Variants in HAUS3 observed in about 807,000 individuals in gnomAD.
HAUS3 encodes the protein HAUS augmin-like complex subunit 3.
In HAUS3, 36 loss-of-function variants were observed where a neutral mutation model predicts 55.2. The ratio of observed to expected loss-of-function variants is 0.65; its 90% CI spans 0.50 to 0.86. The LOEUF (loss-of-function observed/expected upper bound fraction) is 0.86. Among genes scored for constraint, HAUS3 ranks in the 40% least tolerant of loss-of-function variants. The pLI, the probability that HAUS3 is intolerant of heterozygous loss-of-function variation, is 0.00. For synonymous variants in HAUS3, 234 were observed against 238.6 expected (o/e 0.98, Z 0.18); for missense variants, 752 against 671.5 (o/e 1.12, Z -1.33).
In HAUS3 at chr4:2,236,337, G is replaced by A. The variant is rs775857869; in HGVS notation, c.1469C>T (p.Ala490Val). The A allele has an allele frequency of 8.1e-6, 13 of 1,612,520 alleles. No individual in the cohort carries two copies. The highest frequency in any genetic ancestry group is 1.0e-5 in the Non-Finnish European group (12 of 1,178,760). ...GAAAGAATGTTCTTGAGCAGATACT[G>A]CCAACTGATCTTGTACTAAAGAAAT... Reference protein sequence around the residue: ...QNISLVQDQLAVSAQEHSFFL... With the variant: ...QNISLVQDQLVVSAQEHSFFL... The change falls in exon 5 of 6, where the codon GCA becomes GTA. Residue 490 changes from alanine to valine, a missense_variant. By Grantham distance (64) the Ala-to-Val change is moderately conservative. Transcript: ENST00000443786.
At position 2,241,648 on chromosome 4, in the gene HAUS3, G is replaced by A. The variant is rs968215490; in HGVS notation, c.-276C>T. The A allele has an allele frequency of 2.3e-5, 23 of 985,368 alleles. No individual in the cohort carries two copies. Among genetic ancestry groups the A allele is most frequent in the Non-Finnish European group, 2.8e-5 (23 of 829,954 alleles). 61.0% of individuals were successfully genotyped at this position (985,368 alleles called of 1,614,324 possible). A position where few individuals can be genotyped will look rare whatever the true frequency, so the allele number is the denominator to read the frequency against. On this transcript the variant is annotated 5_prime_UTR_variant, in exon 2 of 6. Coordinates refer to ENST00000443786, the MANE Select transcript of HAUS3 (RefSeq NM_001303143.2). ...CGGGCCGGCCTTCAGCCAGCGCTGA[G>A]GCAGCCCCGACGCCAGGGCCGCGCG...
chr4:2,234,947 G>A (rs772417535), intron 5 of HAUS3, among the ~76,000 whole-genome samples: 11 of 152,140 alleles, frequency 7.2e-5, no homozygotes, highest in Admixed American at 3.9e-4. Flanking sequence ...GTGCAGTGGC[G>A]CGATCTTGAC....
rs1041762785 is a variant in HAUS3 at position 2,230,712 on chromosome 4, A to T, written c.*1215T>A. On this transcript the variant is annotated 3_prime_UTR_variant, in exon 6 of 6. Transcript: ENST00000443786. Reference sequence around the variant, plus strand: ...ACCACCCAAAACATGTAGTTTTTAGATTGGCATTCCATATTACGAACAGGT... The same window carrying T: ...ACCACCCAAAACATGTAGTTTTTAGTTTGGCATTCCATATTACGAACAGGT... The T allele has an allele frequency of 6.6e-6, 1 of 152,078 alleles. No homozygotes were observed. The highest frequency in any genetic ancestry group is 2.1e-4 in the South Asian group (1 of 4,832). The allele number at this position is 152,078 out of a possible 1,614,324, so 9.4% of individuals were successfully genotyped here. A position where few individuals can be genotyped will look rare whatever the true frequency, so the allele number is the denominator to read the frequency against.
At position 2,232,062 on chromosome 4, in the gene HAUS3, A is replaced by G; in HGVS notation, c.1677T>C (p.Thr559=). 6.3e-7 allele frequency: 1 copy of G among 1,590,358 alleles called. No individual in the cohort carries two copies. Among genetic ancestry groups the G allele is most frequent in the Non-Finnish European group, 8.6e-7 (1 of 1,162,510 alleles). ...ILADVKTKRK[T]LANNKLHQME... ...TTTGATGTAATTTATTATTTGCCAA[A>G]GTTTTTCTTTTTGTCTTCACATCAG... Residue 559 remains threonine, a synonymous_variant, in exon 6 of 6, where the codon ACT becomes ACC. Transcript: ENST00000443786.
chr4:2,241,231 A>T, intron 2 of HAUS3, 138 bp from the exon 3 acceptor site: 1 of 330,928 alleles, frequency 3.0e-6, no homozygotes, highest in South Asian at 5.0e-5. Context: ...TGATGATGAT[A>T]AAGAGAAACA....
chr4:2,230,700 T>A lies in HAUS3; in HGVS notation c.*1227A>T, dbSNP rs1402096286. 6.6e-6 allele frequency: 1 copy of A among 151,906 alleles called. No homozygotes were observed. Among genetic ancestry groups the A allele is most frequent in the Non-Finnish European group, 1.5e-5 (1 of 67,988 alleles). 9.4% of individuals were successfully genotyped at this position (151,906 alleles called of 1,614,324 possible). A position where few individuals can be genotyped will look rare whatever the true frequency, so the allele number is the denominator to read the frequency against. On this transcript the variant is annotated 3_prime_UTR_variant, in exon 6 of 6. Coordinates refer to ENST00000443786, the MANE Select transcript of HAUS3 (RefSeq NM_001303143.2). ...AATTCCATAAAGACCACCCAAAACATGTAGTTTTTAGATTGGCATTCCATA... is the reference window on the plus strand; with the variant it reads ...AATTCCATAAAGACCACCCAAAACAAGTAGTTTTTAGATTGGCATTCCATA...
intron 4 of HAUS3, 142 bp downstream of exon 4, chr4:2,238,462 T>C (rs997895029): frequency 4.0e-6 from 2 of 504,312 alleles, no homozygotes; most frequent in African/African-American, 4.0e-5. Flanking sequence ...AAAAGGCATA[T>C]GAAAATGGAA....
chr4:2,234,860 A>G (rs1373254758), intron 5 of HAUS3, among the ~76,000 whole-genome samples: 2 of 152,104 alleles, frequency 1.3e-5, no homozygotes, highest in African/African-American at 4.8e-5. Flanking sequence ...ATACATAGAG[A>G]AAAAAATGAT....
chr4:2,231,691 C>A lies in HAUS3; in HGVS notation c.*236G>T. The A allele has an allele frequency of 6.6e-6, 2 of 304,582 alleles. No individual in the cohort carries two copies. The highest frequency in any genetic ancestry group is 1.2e-5 in the Non-Finnish European group (2 of 163,740). The allele number at this position is 304,582 out of a possible 1,614,324, so 18.9% of individuals were successfully genotyped here. On this transcript the variant is annotated 3_prime_UTR_variant, in exon 6 of 6. Coordinates refer to ENST00000443786, the MANE Select transcript of HAUS3 (RefSeq NM_001303143.2). ...TTGCATTATGTAATAATGCTTTTTC[C>A]CTGTAAGTAAAAAATTACCAGGACT...
Position 2,238,704 on chromosome 4 carries a change from T to G in HAUS3, c.1249A>C (p.Met417Leu), listed in dbSNP as rs1489514800. 1.2e-6 allele frequency: 2 copies of G among 1,613,308 alleles called. No homozygotes were observed. Among genetic ancestry groups the G allele is most frequent in the African/African-American group, 2.7e-5 (2 of 75,048 alleles). Residue 417 changes from methionine to leucine, a missense_variant, in exon 4 of 6, where the codon ATG (methionine) becomes CTG (leucine). Transcript: ENST00000443786. The stretch of plus-strand genomic sequence containing the variant: ...ATTTCTAATTGCTTGTAGAGCATCA[T>G]GTTACTTTGACTAAGTTCTTGAACC... ...NLVQELSQSNMMLYKQLEMLT... is the reference protein window; with the variant it reads ...NLVQELSQSNLMLYKQLEMLT...
rs58532236 is a variant in HAUS3 at position 2,241,145 on chromosome 4, T to C, written c.-147-52A>G. ...ACCACAAATATGACGACAGTGTTTT[T>C]AAAAAGAAGACACAGACAAATATCA... On this transcript the variant is annotated intron_variant, in intron 2 of 5. Coordinates refer to ENST00000443786, the MANE Select transcript of HAUS3 (RefSeq NM_001303143.2). 30,748 of 496,330 alleles carry C rather than the reference T, an allele frequency of 0.062. 1,393 individuals are homozygous for C. The highest frequency in any genetic ancestry group is 0.17 in the African/African-American group (8,250 of 49,390). 30.7% of individuals were successfully genotyped at this position (496,330 alleles called of 1,614,324 possible).
chr4:2,229,039 C>A lies in HAUS3; in HGVS notation c.*2888G>T. 6.7e-7 allele frequency: 1 copy of A among 1,488,894 alleles called. No individual in the cohort carries two copies. The highest frequency in any genetic ancestry group is 1.3e-5 in the South Asian group (1 of 79,482). 92.2% of individuals were successfully genotyped at this position (1,488,894 alleles called of 1,614,324 possible). A position where few individuals can be genotyped will look rare whatever the true frequency, so the allele number is the denominator to read the frequency against. On this transcript the variant is annotated 3_prime_UTR_variant, in exon 6 of 6. Coordinates refer to ENST00000443786, the MANE Select transcript of HAUS3 (RefSeq NM_001303143.2). ...ATGCATTCCATTTTCAATTCTTAGT[C>A]TTTAGAACAATTAACATTCAAAGTA...
intron 5 of HAUS3, among the ~76,000 whole-genome samples, chr4:2,233,910 A>G (rs984249029): frequency 2.1e-5 from 3 of 144,212 alleles, no homozygotes; most frequent in Non-Finnish European, 4.4e-5. Context: ...ATCTGGCCAT[A>G]TCAAAGGCAA....
At chr4:2,233,633 T>C (rs1734658301) in intron 5 of HAUS3, among the ~76,000 whole-genome samples, 1 of 152,218 alleles carries the variant, frequency 6.6e-6, no homozygotes, top group Admixed American at 6.5e-5. Context: ...GCTTTAGAAC[T>C]ACCCTAACCA....
At position 2,240,865 on chromosome 4, in the gene HAUS3, C is replaced by A; in HGVS notation, c.82G>T (p.Asp28Tyr). The change falls in exon 3 of 6, where the codon GAC becomes TAC. Residue 28 changes from aspartate to tyrosine, a missense_variant. Coordinates refer to ENST00000443786, the MANE Select transcript of HAUS3 (RefSeq NM_001303143.2). ...TCTTCAACGCCCTCAAACAACCAGT[C>A]AAAGTCTTCTCCATTAAGATTATCA... ...KADNLNGEDF[D>Y]WLFEGVEDES... 2 of 1,612,126 alleles carry A rather than the reference C, an allele frequency of 1.2e-6. No homozygotes were observed. The highest frequency in any genetic ancestry group is 1.1e-5 in the South Asian group (1 of 90,896).
intron 3 of HAUS3, among the ~76,000 whole-genome samples, chr4:2,239,271 G>A (rs886761495): frequency 4.6e-5 from 7 of 151,948 alleles, no homozygotes; most frequent in South Asian, 2.1e-4. Context: ...ATATAGTAAC[G>A]GCTACCAAAA....
At position 2,238,879 on chromosome 4, in the gene HAUS3, C is replaced by T; in HGVS notation, c.1074G>A (p.Leu358=). The T allele has an allele frequency of 6.2e-7, 1 of 1,613,112 alleles. No homozygotes were observed. The highest frequency in any genetic ancestry group is 2.2e-5 in the East Asian group (1 of 44,796). ...TATAATAATCTTGTTTAGCAATCTG[C>T]AGATCAAAATCTCCCTTTACCACTG... The part of the protein sequence containing the change: ...NMPVVKGDFD[L]QIAKQDYYTA... The change falls in exon 4 of 6, where the codon CTG becomes CTA. Residue 358 remains leucine (L), a synonymous_variant. Transcript: ENST00000443786.
rs1177030983 is a variant in HAUS3, at chr4:2,230,577, CAAT to C, written c.*1347_*1349del. 2.0e-5 allele frequency: 3 copies of C among 151,522 alleles called. No homozygotes were observed. In the East Asian group the frequency reaches 5.8e-4, roughly 29 times the overall value. The allele number at this position is 151,522 out of a possible 1,614,324, so 9.4% of individuals were successfully genotyped here. A position where few individuals can be genotyped will look rare whatever the true frequency, so the allele number is the denominator to read the frequency against. ...CATAAAATTTTAAATAACATAAACA[CAAT>C]AATTGGCAAAATATTTTTGTTCAAT... On this transcript the variant is annotated 3_prime_UTR_variant, in exon 6 of 6. Coordinates refer to ENST00000443786, the MANE Select transcript of HAUS3 (RefSeq NM_001303143.2).
At chr4:2,234,834 A>T (rs1253583007) in intron 5 of HAUS3, among the ~76,000 whole-genome samples, 1 of 152,220 alleles carries the variant, frequency 6.6e-6, no homozygotes, top group East Asian at 1.9e-4. Context: ...GATATAACTT[A>T]TAAAATAGAC....
Sources: allele counts gnomAD v4.1 joint callset (sites outside exome capture counted in the v4.1 genomes callset), GRCh38; gene constraint gnomAD v4.1.1; transcripts MANE v1.5; gene names NCBI Gene and HGNC (gene_info 2026-07-23, HGNC 2026-07-21).